The following GNA14 variants were observed in gnomAD, a reference collection of about 807,000 sequenced individuals.
The protein encoded by GNA14 is guanine nucleotide-binding protein subunit alpha-14.
In GNA14, 50 loss-of-function variants were observed where a neutral mutation model predicts 42.0. The observed-to-expected ratio is 1.19, with a 90% confidence interval of 0.95 to 1.51. The LOEUF (loss-of-function observed/expected upper bound fraction) is 1.51, where lower values mean the gene tolerates loss of function less well. Among genes scored for constraint, GNA14 ranks in the 40% most tolerant of loss-of-function variants. The pLI is 0.00. For synonymous variants in GNA14, 173 were observed against 163.1 expected, an observed-to-expected ratio of 1.06 and a Z score of -0.46; for missense variants, 473 against 446.2, an observed-to-expected ratio of 1.06 and a Z score of -0.54.
intron 2 of GNA14, among the ~76,000 whole-genome samples, chr9:77,446,165 C>A (rs1207554888): frequency 1.3e-5 from 2 of 152,188 alleles, no homozygotes; most frequent in African/African-American, 2.4e-5. Flanking sequence ...AGAGAAGTAA[C>A]AAATGCTTTG....
At chr9:77,435,893 C>A (rs1441891366) in intron 2 of GNA14, among the ~76,000 whole-genome samples, 1 of 152,152 alleles carries the variant, frequency 6.6e-6, no homozygotes, top group Non-Finnish European at 1.5e-5. Context: ...TCTTATTCCC[C>A]CTCCCATATT....
At chr9:77,467,265 G>A (rs1374638635) in intron 2 of GNA14, among the ~76,000 whole-genome samples, 1 of 151,772 alleles carries the variant, frequency 6.6e-6, no homozygotes, top group Non-Finnish European at 1.5e-5. Context: ...GCTGAGCTGG[G>A]GTTTTGCTCT....
At chr9:77,450,435 G>T (rs1015287289) in intron 2 of GNA14, among the ~76,000 whole-genome samples, 1 of 152,108 alleles carries the variant, frequency 6.6e-6, no homozygotes, top group Non-Finnish European at 1.5e-5. Flanking sequence ...TCAAAGGAAT[G>T]AAGAAATCTT....
At chr9:77,444,459 G>T (rs1835781738) in intron 2 of GNA14, among the ~76,000 whole-genome samples, 1 of 152,154 alleles carries the variant, frequency 6.6e-6, no homozygotes, top group Admixed American at 6.5e-5. Flanking sequence ...TGTCAGGATG[G>T]TGACACCTGT....
rs866268844 is a variant in GNA14, at chr9:77,647,907, C to T, written c.-114G>A. The stretch of plus-strand genomic sequence containing the variant: ...GGCACAGGGGTGTGGAAAGAAAAGA[C>T]GGGGGCCGACTTGAGCTTTGGAGTA... On this transcript the variant is annotated 5_prime_UTR_variant, in exon 1 of 7. Transcript: ENST00000341700. The T allele has an allele frequency of 3.8e-5, 48 of 1,264,236 alleles. No individual in the cohort carries two copies. The highest frequency in any genetic ancestry group is 5.0e-5 in the Non-Finnish European group (46 of 924,030). The allele number at this position is 1,264,236 out of a possible 1,614,324, so 78.3% of individuals were successfully genotyped here.
At position 77,623,461 on chromosome 9, in the gene GNA14, A is replaced by G. The variant is rs114096550; in HGVS notation, c.124+24209T>C. 4.1e-3 allele frequency among the ~76,000 whole-genome samples: 624 copies of G among 152,278 alleles called. 2 individuals are homozygous for G. Among genetic ancestry groups the G allele is most frequent in the African/African-American group, 0.014 (563 of 41,560 alleles). ...TAAGTAAATCAAACACATATTAATAATACTCTCACAGTGGCTGGCAAGATG... is the reference window on the plus strand; with the variant it reads ...TAAGTAAATCAAACACATATTAATAGTACTCTCACAGTGGCTGGCAAGATG... On this transcript the variant is annotated intron_variant, in intron 1 of 6. Coordinates refer to ENST00000341700, the MANE Select transcript of GNA14 (RefSeq NM_004297.4).
At chr9:77,504,827 C>G (rs1255659580) in intron 2 of GNA14, among the ~76,000 whole-genome samples, 1 of 151,842 alleles carries the variant, frequency 6.6e-6, no homozygotes, top group Non-Finnish European at 1.5e-5. Flanking sequence ...ACCACCACAC[C>G]TGGATAATTT....
At chr9:77,456,452 T>A (rs533759212) in intron 2 of GNA14, 1 of 152,298 alleles carries the variant, frequency 6.6e-6, no homozygotes, top group East Asian at 1.9e-4. Flanking sequence ...AGTACAGAAC[T>A]TGGTAATAGC....
chr9:77,644,696 T>C (rs1015901993), intron 1 of GNA14, among the ~76,000 whole-genome samples: 9 of 136,382 alleles, frequency 6.6e-5, no homozygotes, highest in African/African-American at 2.7e-4. Flanking sequence ...GCCATATCTG[T>C]TAAATGCTCA....
At chr9:77,499,481 G>T (rs779629786) in intron 2 of GNA14, among the ~76,000 whole-genome samples, 26 of 151,430 alleles carry the variant, frequency 1.7e-4, no homozygotes, top group Non-Finnish European at 2.6e-4. Context: ...ATTATAAAAA[G>T]ACTTCAAAAT....
At chr9:77,531,312 A>C (rs993626699) in intron 1 of GNA14, among the ~76,000 whole-genome samples, 1 of 152,182 alleles carries the variant, frequency 6.6e-6, no homozygotes, top group Admixed American at 6.5e-5. Context: ...ACGAGACATG[A>C]ATTGAACAAG....
intron 1 of GNA14, among the ~76,000 whole-genome samples, chr9:77,534,364 G>T (rs1289034577): frequency 1.3e-5 from 2 of 152,146 alleles, no homozygotes; most frequent in African/African-American, 4.8e-5. Flanking sequence ...AAGTACAAAA[G>T]GCCTTTAGGA....
At chr9:77,458,403 C>T (rs1001961808) in intron 2 of GNA14, among the ~76,000 whole-genome samples, 4 of 152,138 alleles carry the variant, frequency 2.6e-5, no homozygotes, top group African/African-American at 7.2e-5. Flanking sequence ...GCGCTGGCCA[C>T]GCGCGCCTGA....
At chr9:77,539,589 T>C (rs911729146) in intron 1 of GNA14, among the ~76,000 whole-genome samples, 2 of 152,176 alleles carry the variant, frequency 1.3e-5, no homozygotes, top group Admixed American at 6.6e-5. Context: ...TTGGTATTAG[T>C]TCTTCATTAT....
intron 2 of GNA14, among the ~76,000 whole-genome samples, chr9:77,508,417 T>C (rs1259855069): frequency 6.6e-6 from 1 of 151,936 alleles, no homozygotes; most frequent in Non-Finnish European, 1.5e-5. Context: ...TGTGATGAGG[T>C]GGGGTGGACA....
intron 1 of GNA14, among the ~76,000 whole-genome samples, chr9:77,581,722 A>G (rs1237344334): frequency 6.6e-6 from 1 of 152,212 alleles, no homozygotes; most frequent in African/African-American, 2.4e-5. Context: ...CAGTCACAGA[A>G]TCCTTAGGAC....
intron 1 of GNA14, among the ~76,000 whole-genome samples, chr9:77,570,938 C>T (rs537124020): frequency 5.9e-5 from 9 of 152,146 alleles, no homozygotes; most frequent in East Asian, 3.9e-4. Context: ...GAGTAAATTG[C>T]CCTTTTACAT....
intron 1 of GNA14, among the ~76,000 whole-genome samples, chr9:77,577,164 A>G (rs1823141615): frequency 6.6e-6 from 1 of 152,226 alleles, no homozygotes; most frequent in East Asian, 1.9e-4. Flanking sequence ...TGGGGAAAAA[A>G]GTCTCTCATC....
chr9:77,541,555 C>T (rs1438104387), intron 1 of GNA14, among the ~76,000 whole-genome samples: 1 of 152,086 alleles, frequency 6.6e-6, no homozygotes, highest in Non-Finnish European at 1.5e-5. Flanking sequence ...CATCTTTGAG[C>T]CCCCTGTATC....
Sources: gnomAD v4.1 joint callset for allele counts (sites outside exome capture counted in the v4.1 genomes callset) on GRCh38, gnomAD v4.1.1 for gene constraint, MANE v1.5 for transcripts, NCBI Gene and HGNC (gene_info 2026-07-23, HGNC 2026-07-21) for gene names.